OLFML1: variants seen among roughly 807,000 people sequenced by gnomAD.
OLFML1 encodes olfactomedin like 1.
In OLFML1, 33 loss-of-function variants were observed where a neutral mutation model predicts 37.3. The ratio of observed to expected loss-of-function variants is 0.88; its 90% confidence interval spans 0.67 to 1.18. The LOEUF (loss-of-function observed/expected upper bound fraction) is 1.18, where lower values mean the gene tolerates loss of function less well. Ranked by LOEUF, OLFML1 falls within the 50% of genes most tolerant of loss-of-function variation. The probability of loss-of-function intolerance (pLI) is 0.00; values close to 1 mark genes in which losing one functional copy is unlikely to be tolerated. For synonymous variants in OLFML1, 186 were observed against 181.3 expected (o/e 1.03, Z -0.21); for missense variants, 545 against 483.7 (o/e 1.13, Z -1.19).
intron 2 of OLFML1, among the ~76,000 whole-genome samples, chr11:7,509,067 A>G (rs778903286): frequency 2.0e-5 from 3 of 152,246 alleles, no homozygotes; most frequent in Non-Finnish European, 2.9e-5. Flanking sequence ...CATGAATTGC[A>G]ATTGATCTAT....
chr11:7,508,684 A>G (rs994721109), intron 2 of OLFML1, among the ~76,000 whole-genome samples: 7 of 152,226 alleles, frequency 4.6e-5, no homozygotes, highest in Admixed American at 2.6e-4. Flanking sequence ...GCATTCATAC[A>G]TTCATGAATA....
At position 7,485,573 on chromosome 11, in the gene OLFML1, G is replaced by A. The variant is rs912036803; in HGVS notation, c.-303G>A. ...AGCAGCTTGCAACCACTAGCCTGGG[G>A]AGGGTCCGCATGTGTCAAGGGTGAG... On this transcript the variant is annotated 5_prime_UTR_variant, in exon 1 of 3. Coordinates refer to ENST00000329293, the MANE Select transcript of OLFML1 (RefSeq NM_198474.4). 1 of 294,416 alleles carries A rather than the reference G, an allele frequency of 3.4e-6. No individual in the cohort carries two copies. The allele number at this position is 294,416 out of a possible 1,614,324, so 18.2% of individuals were successfully genotyped here.
intron 2 of OLFML1, among the ~76,000 whole-genome samples, chr11:7,495,567 ATCTG>A (rs1267365443): frequency 6.6e-6 from 1 of 152,096 alleles, no homozygotes; most frequent in African/African-American, 2.4e-5. Context: ...GCCTATCCCT[ATCTG>A]TCTGGTGCTC....
intron 2 of OLFML1, among the ~76,000 whole-genome samples, chr11:7,498,122 C>T (rs1848684269): frequency 6.6e-6 from 1 of 151,996 alleles, no homozygotes; most frequent in Non-Finnish European, 1.5e-5. Context: ...ATACTGTGTC[C>T]CAGGCACTTA....
chr11:7,491,027 T>A (rs972484836), intron 2 of OLFML1, among the ~76,000 whole-genome samples: 3 of 152,104 alleles, frequency 2.0e-5, no homozygotes, highest in African/African-American at 7.2e-5. Context: ...TGCAAGTTGA[T>A]CTCCAGCTCC....
chr11:7,489,329 G>A (rs1199929127), intron 2 of OLFML1, among the ~76,000 whole-genome samples: 2 of 152,074 alleles, frequency 1.3e-5, no homozygotes, highest in African/African-American at 2.4e-5. Context: ...AGTTAGAAAC[G>A]AATGAGTAGA....
chr11:7,492,485 A>G (rs1407818621), intron 2 of OLFML1, among the ~76,000 whole-genome samples: 4 of 152,220 alleles, frequency 2.6e-5, no homozygotes, highest in Non-Finnish European at 4.4e-5. Flanking sequence ...ACTTCCAGGA[A>G]ATTCTAGTAC....
intron 2 of OLFML1, among the ~76,000 whole-genome samples, chr11:7,508,253 T>C (rs1451530114): frequency 6.6e-6 from 1 of 152,196 alleles, no homozygotes; most frequent in African/African-American, 2.4e-5. Context: ...AGAATCCACA[T>C]TTTAATAAGA....
At chr11:7,502,869 G>A (rs1282396796) in intron 2 of OLFML1, among the ~76,000 whole-genome samples, 1 of 152,172 alleles carries the variant, frequency 6.6e-6, no homozygotes, top group East Asian at 1.9e-4. Context: ...GCCTCCCAAA[G>A]TGCTAGGATT....
chr11:7,507,485 C>A (rs1038389981), intron 2 of OLFML1, among the ~76,000 whole-genome samples: 2 of 151,948 alleles, frequency 1.3e-5, no homozygotes, highest in Non-Finnish European at 2.9e-5. Flanking sequence ...CAATCTACTA[C>A]AATTGACCCT....
At chr11:7,504,327 G>C (rs965607658) in intron 2 of OLFML1, among the ~76,000 whole-genome samples, 3 of 152,132 alleles carry the variant, frequency 2.0e-5, no homozygotes, top group Non-Finnish European at 2.9e-5. Flanking sequence ...AGTTGTAGGG[G>C]ACAAGGAGAG....
chr11:7,493,559 G>T (rs58042305), intron 2 of OLFML1, among the ~76,000 whole-genome samples: 22,725 of 152,254 alleles, frequency 0.15, 1,821 homozygotes, highest in African/African-American at 0.19. Flanking sequence ...CAGCTATTTC[G>T]GTATTCAGGG....
intron 2 of OLFML1, among the ~76,000 whole-genome samples, chr11:7,495,290 G>A (rs1311010050): frequency 2.0e-5 from 3 of 152,014 alleles, no homozygotes; most frequent in Admixed American, 2.0e-4. Flanking sequence ...CCACATCACT[G>A]CTTTATCCCC....
Position 7,488,365 on chromosome 11 carries a change from T to G in OLFML1, c.368T>G (p.Leu123Trp). 6.2e-7 allele frequency: 1 copy of G among 1,614,118 alleles called. No individual in the cohort carries two copies. The highest frequency in any genetic ancestry group is 8.5e-7 in the Non-Finnish European group (1 of 1,179,992). ...ESEDKTLAEM[L>W]LQEAEEEKKI... is the part of the protein sequence containing the mutation. ...GAGGACAAGACACTGGCAGAAATGT[T>G]GCTCCAAGAAGCTGAAGAAGAGAAA... Residue 123 changes from leucine to tryptophan, a missense_variant, in exon 2 of 3, where the codon TTG (leucine) becomes TGG (tryptophan). Physicochemically the swap from Leu to Trp is moderately conservative, Grantham distance 61 (BLOSUM62 -2). Coordinates refer to ENST00000329293, the MANE Select transcript of OLFML1 (RefSeq NM_198474.4).
intron 2 of OLFML1, among the ~76,000 whole-genome samples, chr11:7,497,244 G>T (rs1297435220): frequency 1.3e-5 from 2 of 152,038 alleles, no homozygotes; most frequent in East Asian, 3.9e-4. Context: ...GTAATAATAT[G>T]TACCAGATGA....
chr11:7,485,827 T>C lies in OLFML1; in HGVS notation c.-49T>C. Reference sequence around the variant, plus strand: ...CACCACCGGAGCCCTTGAGACATCCTTGAGAAGAGCCACAGCATAAGAGAC... The same window carrying C: ...CACCACCGGAGCCCTTGAGACATCCCTGAGAAGAGCCACAGCATAAGAGAC... On this transcript the variant is annotated 5_prime_UTR_variant, in exon 1 of 3. Coordinates refer to ENST00000329293, the MANE Select transcript of OLFML1 (RefSeq NM_198474.4). 1 of 1,598,666 alleles carries C rather than the reference T, an allele frequency of 6.3e-7. No individual in the cohort carries two copies. The highest frequency in any genetic ancestry group is 8.5e-7 in the Non-Finnish European group (1 of 1,171,522).
intron 1 of OLFML1, 123 bp from the exon 2 acceptor site, chr11:7,488,004 C>G: frequency 1.5e-6 from 1 of 674,324 alleles, no homozygotes; most frequent in Non-Finnish European, 2.4e-6. Flanking sequence ...TGGGAGATTT[C>G]AATTTTTCCC....
intron 2 of OLFML1, among the ~76,000 whole-genome samples, chr11:7,499,006 A>G (rs997747213): frequency 6.6e-6 from 1 of 152,188 alleles, no homozygotes; most frequent in African/African-American, 2.4e-5. Flanking sequence ...AGCCAGACCA[A>G]TGTTTCGGAT....
At chr11:7,508,987 C>A (rs978721273) in intron 2 of OLFML1, among the ~76,000 whole-genome samples, 5 of 152,164 alleles carry the variant, frequency 3.3e-5, no homozygotes, top group African/African-American at 1.2e-4. Flanking sequence ...TAAAATGCTG[C>A]CTCTTAGAAC....
Sources: gnomAD v4.1 joint callset for allele counts (sites outside exome capture counted in the v4.1 genomes callset) on GRCh38, gnomAD v4.1.1 for gene constraint, MANE v1.5 for transcripts, NCBI Gene and HGNC (gene_info 2026-07-23, HGNC 2026-07-21) for gene names.